LTBP2: variants seen among roughly 807,000 people sequenced by gnomAD.
The protein encoded by LTBP2 is latent-transforming growth factor beta-binding protein 2.
In LTBP2, 103 loss-of-function variants were observed where a neutral mutation model predicts 210.6. That is an observed-to-expected ratio of 0.49 (90% CI 0.42 to 0.58). LTBP2 has a LOEUF of 0.58. Among genes scored for constraint, LTBP2 ranks in the 20% least tolerant of loss-of-function variants. LTBP2 has a pLI of 0.00. For synonymous variants in LTBP2, 1,007 were observed against 1,015.0 expected, an observed-to-expected ratio of 0.99 and a Z score of 0.15; for missense variants, 2,313 against 2,494.5, an observed-to-expected ratio of 0.93 and a Z score of 1.55.
Position 74,611,727 on chromosome 14 carries a change from C to G in LTBP2, c.218G>C (p.Arg73Pro), listed in dbSNP as rs775170897. 2 of 1,600,344 alleles carry G rather than the reference C, an allele frequency of 1.2e-6. No individual in the cohort carries two copies. Among genetic ancestry groups the G allele is most frequent in the South Asian group, 1.1e-5 (1 of 90,310 alleles). ...AAAAKVYSLF[R>P]EQDAPVAGLQ... ...GCCCGCGACAGGCGCGTCCTGCTCC[C>G]GGAACAGACTGTACACCTTGGCTGC... is the stretch of plus-strand genomic sequence containing the variant. The change falls in exon 1 of 36, where the codon CGG becomes CCG. Residue 73 changes from arginine to proline, a missense_variant. This residue lies in a region of LTBP2 where 1,867 missense variants were observed against 1,976.9 expected (regional missense o/e 0.94). Coordinates refer to ENST00000261978, the MANE Select transcript of LTBP2 (RefSeq NM_000428.3).
intron 8 of LTBP2, among the ~76,000 whole-genome samples, chr14:74,537,772 T>TTG (rs1566628720): frequency 1.3e-5 from 2 of 152,276 alleles, no homozygotes; most frequent in South Asian, 2.1e-4. Context: ...TTCTTTTTTT[T>TTG]GAGATGGAGT....
rs201739640 is a variant in LTBP2 at position 74,511,318 on chromosome 14, G to A, written c.2955C>T (p.Cys985=). ...AAGTGTAGGAGCCAGGGGAATTGAC[G>A]CATCTCCCATCAGGGCAGGTACCGG... is the stretch of plus-strand genomic sequence containing the variant. ...RHPGTCPDGR[C]VNSPGSYTCL... Residue 985 remains cysteine, a synonymous_variant, in exon 19 of 36, where the codon TGC becomes TGT. Coordinates refer to ENST00000261978, the MANE Select transcript of LTBP2 (RefSeq NM_000428.3). 107 of 1,614,080 alleles carry A rather than the reference G, an allele frequency of 6.6e-5. No homozygotes were observed. Among genetic ancestry groups the A allele is most frequent in the African/African-American group, 5.7e-4 (43 of 75,032 alleles).
chr14:74,598,858 T>A (rs1232164809), intron 2 of LTBP2, among the ~76,000 whole-genome samples: 1 of 152,206 alleles, frequency 6.6e-6, no homozygotes, highest in Non-Finnish European at 1.5e-5. Context: ...TTTACTCATT[T>A]ATCAGAAAGC....
At position 74,525,142 on chromosome 14, in the gene LTBP2, C is replaced by T. The variant is rs565316631; in HGVS notation, c.2512G>A (p.Val838Met). ...EQVTPSTDVL[V>M]TLSTPGIDRC... ...CAGCTACCTGGGGTGCTCAGGGTCA[C>T]CAGCACATCAGTGGAGGGGGTCACT... The change falls in exon 15 of 36, where the codon GTG (valine) becomes ATG (methionine). Residue 838 changes from valine (V) to methionine (M), a missense_variant. Physicochemically the swap from Val to Met is conservative, Grantham distance 21. This residue lies in a region of LTBP2 where 1,867 missense variants were observed against 1,976.9 expected (regional missense o/e 0.94). Coordinates refer to ENST00000261978, the MANE Select transcript of LTBP2 (RefSeq NM_000428.3). The T allele has an allele frequency of 6.0e-6, 8 of 1,332,052 alleles. No individual in the cohort carries two copies. In the Admixed American group the frequency reaches 2.4e-4, roughly 40 times the overall value. 82.5% of individuals were successfully genotyped at this position (1,332,052 alleles called of 1,614,324 possible). A position where few individuals can be genotyped will look rare whatever the true frequency, so the allele number is the denominator to read the frequency against.
intron 3 of LTBP2, among the ~76,000 whole-genome samples, chr14:74,576,208 A>G (rs2088056558): frequency 6.6e-6 from 1 of 152,214 alleles, no homozygotes; most frequent in African/African-American, 2.4e-5. Context: ...TTGCTAGGGG[A>G]TGGCCCGAGC....
At chr14:74,587,227 T>G (rs942837902) in intron 2 of LTBP2, among the ~76,000 whole-genome samples, 1 of 152,022 alleles carries the variant, frequency 6.6e-6, no homozygotes, top group Non-Finnish European at 1.5e-5. Context: ...ACCCAATGCC[T>G]CATCCATCTG....
At chr14:74,508,137 C>T in intron 24 of LTBP2, 42 bp from the exon 25 acceptor site, 1 of 1,611,662 alleles carries the variant, frequency 6.2e-7, no homozygotes, top group Non-Finnish European at 8.5e-7. Context: ...CCACGGGTCC[C>T]TTCCCTGTTA....
At chr14:74,558,815 C>G (rs988043795) in intron 3 of LTBP2, among the ~76,000 whole-genome samples, 1 of 152,124 alleles carries the variant, frequency 6.6e-6, no homozygotes. Flanking sequence ...AATAAACAAA[C>G]CATGTATTCC....
intron 2 of LTBP2, among the ~76,000 whole-genome samples, chr14:74,600,217 G>T (rs1360692971): frequency 1.3e-5 from 2 of 152,218 alleles, no homozygotes; most frequent in Non-Finnish European, 2.9e-5. Context: ...CAAGCAAACA[G>T]CACAGGGACC....
intron 1 of LTBP2, 50 bp downstream of exon 1, chr14:74,611,401 G>A (rs2088605521): frequency 7.1e-7 from 1 of 1,412,310 alleles, no homozygotes; most frequent in Non-Finnish European, 9.2e-7. Context: ...CTCCACAAAT[G>A]AGCCCTGGCT....
In LTBP2 at chr14:74,514,883, C is replaced by T. The variant is rs376875281; in HGVS notation, c.2908+1939G>A. ...ACCGATGGAAACCTGGAGAAGTGTG[C>T]GGGCTACATCATTCTTTCTTTCAAC... On this transcript the variant is annotated intron_variant, in intron 18 of 35. Transcript: ENST00000261978. Among the ~76,000 whole-genome samples, 39 of 152,222 alleles carry T rather than the reference C, an allele frequency of 2.6e-4. No homozygotes were observed. In the South Asian group the frequency reaches 7.3e-3, roughly 28 times the overall value.
chr14:74,551,141 G>A lies in LTBP2; in HGVS notation c.1609C>T (p.Pro537Ser), dbSNP rs770862437. 2 of 1,613,924 alleles carry A rather than the reference G, an allele frequency of 1.2e-6. No homozygotes were observed. The highest frequency in any genetic ancestry group is 1.7e-6 in the Non-Finnish European group (2 of 1,180,026). The change falls in exon 7 of 36, where the codon CCT (proline) becomes TCT (serine). Residue 537 changes from proline to serine, a missense_variant. Pro to Ser is a moderately conservative substitution (Grantham distance 74, BLOSUM62 -1). Transcript: ENST00000261978. ...NNIPARSGEP[P>S]RPLPPAAPRP... Reference sequence around the variant, plus strand: ...GGTGCTGCTGGGGGCAGTGGCCGAGGGGGCTCTCCAGACCGAGCAGGGATG... The same window carrying A: ...GGTGCTGCTGGGGGCAGTGGCCGAGAGGGCTCTCCAGACCGAGCAGGGATG...
rs1357862223 is a variant in LTBP2 at position 74,510,071 on chromosome 14, G to GA, written c.3151+19_3151+20insT. 1 of 1,613,806 alleles carries GA rather than the reference G, an allele frequency of 6.2e-7. No homozygotes were observed. Among genetic ancestry groups the GA allele is most frequent in the African/African-American group, 1.3e-5 (1 of 74,932 alleles). ...AGCTGGATCGGCCTGCGGAGAAGGG[G>GA]CGCTTCAGCATCTCTGTACCTTGGC... is the stretch of plus-strand genomic sequence containing the variant. On this transcript the variant is annotated intron_variant, in intron 20 of 35. Coordinates refer to ENST00000261978, the MANE Select transcript of LTBP2 (RefSeq NM_000428.3).
chr14:74,542,376 G>A (rs1036456057), intron 8 of LTBP2, among the ~76,000 whole-genome samples: 2 of 152,226 alleles, frequency 1.3e-5, no homozygotes, highest in Admixed American at 1.3e-4. Context: ...CTAATTTCTC[G>A]AGACAGTTTT....
chr14:74,558,146 T>C (rs1180233244), intron 3 of LTBP2, among the ~76,000 whole-genome samples: 5 of 152,150 alleles, frequency 3.3e-5, no homozygotes, highest in Admixed American at 1.3e-4. Flanking sequence ...ATGCCTATAA[T>C]CCCAGCACTT....
At chr14:74,504,653 C>T (rs909408438) in intron 30 of LTBP2, 125 bp downstream of exon 30, 2 of 880,936 alleles carry the variant, frequency 2.3e-6, no homozygotes, top group South Asian at 1.4e-5. Context: ...AGCCCTGGGA[C>T]AGAAAAGGTG....
chr14:74,557,166 G>A (rs144149780), intron 3 of LTBP2, among the ~76,000 whole-genome samples: 13 of 152,246 alleles, frequency 8.5e-5, no homozygotes, highest in Non-Finnish European at 1.5e-4. Context: ...AGAGGCTGAG[G>A]CTGAGAATCA....
intron 3 of LTBP2, among the ~76,000 whole-genome samples, chr14:74,571,321 G>A (rs1360546705): frequency 6.6e-6 from 1 of 152,182 alleles, no homozygotes; most frequent in Non-Finnish European, 1.5e-5. Flanking sequence ...ATAACAGAGC[G>A]AGACTCCATC....
At chr14:74,564,063 A>ATATATATATATTTATATATATATT (rs1288914773) in intron 3 of LTBP2, among the ~76,000 whole-genome samples, 5 of 24,566 alleles carry the variant, frequency 2.0e-4, no homozygotes, top group East Asian at 7.3e-4. Flanking sequence ...ATATATATTT[A>ATATATATATATTTATATATATATT]TATATATATA....
Sources: allele counts gnomAD v4.1 joint callset (sites outside exome capture counted in the v4.1 genomes callset), GRCh38; gene constraint gnomAD v4.1.1; regional missense constraint gnomAD v4.1.1; transcripts MANE v1.5; gene names NCBI Gene and HGNC (gene_info 2026-07-23, HGNC 2026-07-21).